DENND3: variants seen among roughly 807,000 people sequenced by gnomAD.
DENND3 encodes DENN domain containing 3.
A neutral mutation model predicts 135.1 loss-of-function variants in DENND3; 88 were observed. That is an observed-to-expected ratio of 0.65 (90% CI 0.55 to 0.78). The LOEUF (loss-of-function observed/expected upper bound fraction) is 0.78, where lower values mean the gene tolerates loss of function less well. DENND3 is among the 30% of genes least tolerant of loss of function. The pLI, the probability that DENND3 is intolerant of heterozygous loss-of-function variation, is 0.00. For synonymous variants in DENND3, 693 were observed against 712.3 expected, an observed-to-expected ratio of 0.97 and a Z score of 0.43; for missense variants, 1,392 against 1,688.4, an observed-to-expected ratio of 0.82 and a Z score of 3.08.
chr8:141,190,262 T>C, intron 19 of DENND3, 22 bp from the exon 20 acceptor site: 1 of 1,569,032 alleles, frequency 6.4e-7, no homozygotes, highest in South Asian at 1.2e-5. Context: ...TAAAGGTGTG[T>C]GTGTGTGTTT....
At chr8:141,176,876 C>A (rs73713349) in intron 15 of DENND3, 115 bp downstream of exon 15, 1 of 1,189,992 alleles carries the variant, frequency 8.4e-7, no homozygotes, top group Non-Finnish European at 1.2e-6. Flanking sequence ...GTCTGAGTGT[C>A]TTAAGCAGAG....
rs1817079283 is a variant in DENND3 at position 141,138,673 on chromosome 8, C to T, written c.501+536C>T. On this transcript the variant is annotated intron_variant, in intron 3 of 22. Transcript: ENST00000519811. This position sits in a 1 kb window ranked among gnomAD's most constrained non-coding sequence, Gnocchi z 4.8. ...AGTGCTGGGATTACAGGTGTGAGCGCTGCGCCCGGCCGGCTAATCCCCTTT... is the reference window on the plus strand; with the variant it reads ...AGTGCTGGGATTACAGGTGTGAGCGTTGCGCCCGGCCGGCTAATCCCCTTT... Among the ~76,000 whole-genome samples, 2 of 152,140 alleles carry T rather than the reference C, an allele frequency of 1.3e-5. No individual in the cohort carries two copies. Among genetic ancestry groups the T allele is most frequent in the African/African-American group, 4.8e-5 (2 of 41,440 alleles).
Position 141,185,128 on chromosome 8 carries a change from C to A in DENND3, c.2945-11C>A. On this transcript the variant is annotated splice_polypyrimidine_tract_variant and intron_variant, in intron 17 of 22. Transcript: ENST00000519811. ...TTCCTCCTAACAGTTTTGTGCTGCT[C>A]TCCTCTTTAGGGCATCTTGACCCAG... The A allele has an allele frequency of 6.2e-7, 1 of 1,610,406 alleles. No homozygotes were observed. The highest frequency in any genetic ancestry group is 1.1e-5 in the South Asian group (1 of 90,872).
intron 13 of DENND3, among the ~76,000 whole-genome samples, chr8:141,173,994 G>A (rs914066154): frequency 6.6e-6 from 1 of 152,214 alleles, no homozygotes; most frequent in African/African-American, 2.4e-5. Context: ...CAGGTGTGCA[G>A]CTCAGCAGTG....
Position 141,160,741 on chromosome 8 carries a change from T to G in DENND3, c.1306T>G (p.Cys436Gly). 6.2e-7 allele frequency: 1 copy of G among 1,613,146 alleles called. No homozygotes were observed. ...HRRSWQQKLN[C>G]QIQQTTLQLL... is the part of the protein sequence containing the mutation. ...GCGGTCCTGGCAGCAGAAACTCAAC[T>G]GCCAGATACAGCAGACCACCCTGCA... The change falls in exon 9 of 23, where the codon TGC (cysteine) becomes GGC (glycine). Residue 436 changes from cysteine to glycine, a missense_variant. Coordinates refer to ENST00000519811, the MANE Select transcript of DENND3 (RefSeq NM_001352890.3).
chr8:141,190,193 C>T, intron 19 of DENND3, 91 bp from the exon 20 acceptor site: 1 of 1,427,774 alleles, frequency 7.0e-7, no homozygotes, highest in South Asian at 1.7e-5. Context: ...CATTTTCTCT[C>T]ATGGCGACTT....
At chr8:141,158,883 G>T (rs1029322834) in intron 8 of DENND3, among the ~76,000 whole-genome samples, 5 of 152,174 alleles carry the variant, frequency 3.3e-5, no homozygotes, top group African/African-American at 4.8e-5. Flanking sequence ...AGAGGGGATG[G>T]CCATCTCCTT....
chr8:141,158,320 C>T lies in DENND3; in HGVS notation c.1197-2312C>T, dbSNP rs576416329. ...ACAGCTGCTTCCTTGACTTTTAGAG[C>T]GTGACATTCTGTAATAGAACTGAGC... On this transcript the variant is annotated intron_variant, in intron 8 of 22. Transcript: ENST00000519811. 1.9e-3 allele frequency: 2,405 copies of T among 1,269,718 alleles called. 2 individuals carry two copies. The highest frequency in any genetic ancestry group is 2.3e-3 in the Non-Finnish European group (2,228 of 977,750). 78.7% of individuals were successfully genotyped at this position (1,269,718 alleles called of 1,614,324 possible).
chr8:141,158,225 ACTGTC>A, intron 8 of DENND3: 1 of 1,289,754 alleles, frequency 7.8e-7, no homozygotes, highest in Non-Finnish European at 1.0e-6. Context: ...TCTGTTGGCA[ACTGTC>A]CTCTGCGCGA....
chr8:141,145,831 A>T (rs866333909), intron 5 of DENND3, among the ~76,000 whole-genome samples: 14 of 70,032 alleles, frequency 2.0e-4, no homozygotes, highest in African/African-American at 1.5e-3. Flanking sequence ...ATATATATAT[A>T]TATATATATA....
At chr8:141,159,486 C>T (rs73362460) in intron 8 of DENND3, among the ~76,000 whole-genome samples, 2,250 of 152,324 alleles carry the variant, frequency 0.015, 51 homozygotes, top group African/African-American at 0.051. Flanking sequence ...GTCTGACTGC[C>T]GTGTCTCTCT....
At chr8:141,142,281 T>G (rs1450186045) in intron 4 of DENND3, 1 of 435,436 alleles carries the variant, frequency 2.3e-6, no homozygotes, top group East Asian at 7.1e-5. Context: ...TCTGAGAATT[T>G]ATATTTGTTT....
intron 9 of DENND3, among the ~76,000 whole-genome samples, chr8:141,160,994 C>T (rs926850166): frequency 2.6e-5 from 4 of 152,214 alleles, no homozygotes; most frequent in Non-Finnish European, 5.9e-5. Context: ...TCTGACCTTG[C>T]CTGTGCCTTC....
chr8:141,188,086 C>CGTGGTGGCATCAGCCAGGT (rs1824153314), intron 18 of DENND3, among the ~76,000 whole-genome samples: 4 of 151,330 alleles, frequency 2.6e-5, no homozygotes, highest in Non-Finnish European at 4.4e-5. Flanking sequence ...ATCAGCCAGG[C>CGTGGTGGCATCAGCCAGGT]GTGGTGGCCC....
chr8:141,142,150 G>A lies in DENND3; in HGVS notation c.623+826G>A, dbSNP rs1817541224. On this transcript the variant is annotated intron_variant, in intron 4 of 22. Coordinates refer to ENST00000519811, the MANE Select transcript of DENND3 (RefSeq NM_001352890.3). Reference sequence around the variant, plus strand: ...GAAAGACATCGTATAGAACCCAGTGGGCTCTCATTATCAAAGGATGCTTTT... The same window carrying A: ...GAAAGACATCGTATAGAACCCAGTGAGCTCTCATTATCAAAGGATGCTTTT... 1.0e-4 allele frequency: 35 copies of A among 338,392 alleles called. 1 individual carries two copies. The highest frequency in any genetic ancestry group is 7.4e-4 in the South Asian group (34 of 45,930). 21.0% of individuals were successfully genotyped at this position (338,392 alleles called of 1,614,324 possible). A position where few individuals can be genotyped will look rare whatever the true frequency, so the allele number is the denominator to read the frequency against.
chr8:141,135,421 G>A (rs186751662), intron 1 of DENND3, among the ~76,000 whole-genome samples: 198 of 152,280 alleles, frequency 1.3e-3, no homozygotes, highest in African/African-American at 4.4e-3. Flanking sequence ...CAAAGTGCTG[G>A]GATCACAGGC....
intron 15 of DENND3, 159 bp from the exon 16 acceptor site, chr8:141,177,908 T>G: frequency 1.1e-6 from 1 of 886,094 alleles, no homozygotes; most frequent in Non-Finnish European, 1.6e-6. Context: ...AGAGAAGAAA[T>G]ATATGACATA....
intron 7 of DENND3, among the ~76,000 whole-genome samples, chr8:141,155,640 C>A (rs1819343401): frequency 6.6e-6 from 1 of 152,090 alleles, no homozygotes; most frequent in Admixed American, 6.5e-5. Flanking sequence ...CTCCTGGGCT[C>A]AAGCAGTCTG....
chr8:141,181,848 T>C (rs1299373025), intron 17 of DENND3, among the ~76,000 whole-genome samples: 4 of 151,956 alleles, frequency 2.6e-5, no homozygotes, highest in Non-Finnish European at 5.9e-5. Context: ...TCATGGCTCA[T>C]TGCAGCCTCA....
Sources: allele counts gnomAD v4.1 joint callset (sites outside exome capture counted in the v4.1 genomes callset), GRCh38; gene constraint gnomAD v4.1.1; non-coding constraint Gnocchi (gnomAD v3.1); transcripts MANE v1.5; gene names NCBI Gene and HGNC (gene_info 2026-07-23, HGNC 2026-07-21).